The following RHBDD1 variants were observed in gnomAD, a reference collection of about 807,000 sequenced individuals.
RHBDD1 encodes rhomboid domain containing 1.
RHBDD1 carries 38 observed loss-of-function variants against 36.3 expected under a neutral mutation model. The observed-to-expected ratio is 1.05, with a 90% CI of 0.81 to 1.37. The LOEUF (loss-of-function observed/expected upper bound fraction) is 1.37. Among genes scored for constraint, RHBDD1 ranks in the 40% most tolerant of loss-of-function variants. The pLI is 0.00. For missense variants in RHBDD1, 393 were observed against 377.6 expected, an observed-to-expected ratio of 1.04 and a Z score of -0.34; for synonymous variants, 151 against 136.5, an observed-to-expected ratio of 1.11 and a Z score of -0.74.
At chr2:226,903,086 A>G (rs749511233) in intron 5 of RHBDD1, among the ~76,000 whole-genome samples, 5 of 152,078 alleles carry the variant, frequency 3.3e-5, no homozygotes, top group Non-Finnish European at 7.4e-5. Context: ...TATTTTTTTA[A>G]CTGGTCCTGG....
At chr2:226,952,039 A>C (rs999985799) in intron 8 of RHBDD1, among the ~76,000 whole-genome samples, 9 of 152,208 alleles carry the variant, frequency 5.9e-5, no homozygotes, top group Non-Finnish European at 1.2e-4. Context: ...TGGCCCCAGA[A>C]CAAATCAGAA....
chr2:226,910,215 C>T (rs1388622571), intron 7 of RHBDD1, among the ~76,000 whole-genome samples: 1 of 152,196 alleles, frequency 6.6e-6, no homozygotes, highest in Non-Finnish European at 1.5e-5. Context: ...CTGAAGAGAA[C>T]AGCTTCTTTC....
chr2:226,808,308 T>C, the RHBDD1 span: 1 of 152,160 alleles, frequency 6.6e-6, no homozygotes, highest in Non-Finnish European at 1.5e-5. Flanking sequence ...ACTGAGACAA[T>C]GTATCAGTTT....
chr2:226,854,600 C>CAA (rs1943139143), intron 3 of RHBDD1, among the ~76,000 whole-genome samples: 3 of 71,704 alleles, frequency 4.2e-5, no homozygotes, highest in African/African-American at 2.6e-4. Flanking sequence ...GACTCTGTTT[C>CAA]GAAAAAAAAA....
intron 8 of RHBDD1, among the ~76,000 whole-genome samples, chr2:226,993,277 C>T (rs1958675001): frequency 6.6e-6 from 1 of 152,226 alleles, no homozygotes; most frequent in Non-Finnish European, 1.5e-5. Context: ...AGTCTTTCAG[C>T]CTCCATGGGT....
At chr2:226,986,333 G>A (rs984671414) in intron 8 of RHBDD1, among the ~76,000 whole-genome samples, 6 of 152,218 alleles carry the variant, frequency 3.9e-5, no homozygotes, top group East Asian at 1.9e-4. Flanking sequence ...CTGGAATTTA[G>A]TTCAGAGGAA....
intron 3 of RHBDD1, 46 bp downstream of exon 3, chr2:226,839,673 G>A (rs1055239874): frequency 6.6e-6 from 1 of 152,020 alleles, no homozygotes; most frequent in Non-Finnish European, 1.5e-5. Context: ...TTCCAAGGTT[G>A]TCAGCCATGT....
At chr2:226,928,469 A>G (rs1949811373) in intron 8 of RHBDD1, among the ~76,000 whole-genome samples, 1 of 152,124 alleles carries the variant, frequency 6.6e-6, no homozygotes, top group African/African-American at 2.4e-5. Context: ...TAATAGTGAC[A>G]CAAGATATCA....
intron 8 of RHBDD1, among the ~76,000 whole-genome samples, chr2:226,917,268 TAAAA>T (rs1004671368): frequency 6.6e-6 from 1 of 152,024 alleles, no homozygotes; most frequent in Non-Finnish European, 1.5e-5. Flanking sequence ...ATCTTATTCT[TAAAA>T]AAACTTCTTG....
chr2:226,949,242 C>T (rs1250074547), intron 8 of RHBDD1, among the ~76,000 whole-genome samples: 3 of 152,216 alleles, frequency 2.0e-5, no homozygotes, highest in Non-Finnish European at 1.5e-5. Context: ...ATCAAGCTAC[C>T]ATTGACTTTC....
At chr2:226,912,513 T>G (rs1948592958) in intron 7 of RHBDD1, among the ~76,000 whole-genome samples, 1 of 152,160 alleles carries the variant, frequency 6.6e-6, no homozygotes. Flanking sequence ...CAGTGGAATA[T>G]TATTTGCCCA....
chr2:226,875,616 A>G (rs528396352), intron 5 of RHBDD1, among the ~76,000 whole-genome samples: 1 of 152,226 alleles, frequency 6.6e-6, no homozygotes, highest in African/African-American at 2.4e-5. Flanking sequence ...GATTTGAGAA[A>G]TTAGGAGGCG....
intron 8 of RHBDD1, among the ~76,000 whole-genome samples, chr2:226,935,923 G>A (rs1418293515): frequency 1.3e-5 from 2 of 152,142 alleles, no homozygotes; most frequent in Non-Finnish European, 2.9e-5. Context: ...CAGGCATAAT[G>A]CAATTGGCAA....
chr2:226,825,544 A>G, the RHBDD1 span, among the ~76,000 whole-genome samples: 1 of 152,212 alleles, frequency 6.6e-6, no homozygotes, highest in Non-Finnish European at 1.5e-5. Context: ...AAAAATGTAG[A>G]AAACTGGAAA....
At chr2:226,871,770 G>A (rs1944816905) in intron 5 of RHBDD1, among the ~76,000 whole-genome samples, 1 of 152,050 alleles carries the variant, frequency 6.6e-6, no homozygotes, top group South Asian at 2.1e-4. Flanking sequence ...GCTCTTTTTT[G>A]GCGATAATAC....
At chr2:226,994,826 C>G (rs1469267116) in intron 8 of RHBDD1, among the ~76,000 whole-genome samples, 1 of 152,176 alleles carries the variant, frequency 6.6e-6, no homozygotes, top group East Asian at 1.9e-4. Context: ...CTAAGAAACT[C>G]TTTTCAGTAA....
intron 8 of RHBDD1, among the ~76,000 whole-genome samples, chr2:226,967,075 CCT>C (rs1952693451): frequency 6.6e-6 from 1 of 152,066 alleles, no homozygotes; most frequent in African/African-American, 2.4e-5. Flanking sequence ...TAACAAATTC[CCT>C]GATGATGCTG....
intron 8 of RHBDD1, among the ~76,000 whole-genome samples, chr2:226,967,986 T>C (rs1952776704): frequency 6.6e-6 from 1 of 152,200 alleles, no homozygotes; most frequent in African/African-American, 2.4e-5. Context: ...TTGCTAGTTA[T>C]ATCTCTTCAT....
chr2:226,944,414 C>T (rs989417512), intron 8 of RHBDD1, among the ~76,000 whole-genome samples: 1 of 152,120 alleles, frequency 6.6e-6, no homozygotes, highest in Non-Finnish European at 1.5e-5. Context: ...GCTAGGGGGA[C>T]ACTGTCAGAG....
Sources: allele counts gnomAD v4.1 joint callset (sites outside exome capture counted in the v4.1 genomes callset), GRCh38; gene constraint gnomAD v4.1.1; transcripts MANE v1.5; gene names NCBI Gene and HGNC (gene_info 2026-07-23, HGNC 2026-07-21).